SLC75A1: variants seen among roughly 807,000 people sequenced by gnomAD.
The protein encoded by SLC75A1 is solute carrier family 75 member 1.
the SLC75A1 span, chr4:2,931,315 A>T: frequency 2.6e-6 from 4 of 1,547,252 alleles, no homozygotes; most frequent in East Asian, 2.4e-5. Flanking sequence ...AGCCCAGGGG[A>T]GGGTGCATCA....
the SLC75A1 span, chr4:2,931,884 C>A: frequency 6.2e-7 from 1 of 1,611,354 alleles, no homozygotes; most frequent in South Asian, 1.1e-5. Context: ...GGCCCGAGAA[C>A]AGGAAGAGGT....
the SLC75A1 span, chr4:2,933,460 G>A: frequency 8.1e-7 from 1 of 1,235,912 alleles, no homozygotes. Flanking sequence ...TGCCAGCCCA[G>A]GGAGTGGGAA....
chr4:2,932,910 C>T, the SLC75A1 span: 2 of 1,103,706 alleles, frequency 1.8e-6, no homozygotes, highest in East Asian at 2.6e-5. Context: ...TTCCTAGGGG[C>T]CAGGAGCAGC....
At chr4:2,934,185 G>C in the SLC75A1 span, 6 of 539,438 alleles carry the variant, frequency 1.1e-5, no homozygotes, top group Non-Finnish European at 3.3e-6. Context: ...GAGAGACCAG[G>C]GTGAGCACAT....
At chr4:2,932,033 T>C in the SLC75A1 span, 1 of 1,610,218 alleles carries the variant, frequency 6.2e-7, no homozygotes. Context: ...CTTGGGTTGG[T>C]CGAGTCCTTA....
chr4:2,933,732 G>A, the SLC75A1 span: 1 of 1,603,442 alleles, frequency 6.2e-7, no homozygotes, highest in Non-Finnish European at 8.5e-7. Flanking sequence ...GGGCACTGTG[G>A]GCCGCAGGGC....
chr4:2,933,538 G>A, the SLC75A1 span: 13 of 1,609,998 alleles, frequency 8.1e-6, no homozygotes, highest in African/African-American at 1.5e-4. Flanking sequence ...ACCGTAGAGA[G>A]CCCGCCAAGG....
the SLC75A1 span, chr4:2,931,992 C>A: frequency 3.4e-5 from 55 of 1,603,612 alleles, no homozygotes; most frequent in East Asian, 7.4e-4. Flanking sequence ...GGGCGCCGCC[C>A]GGGGAAGCCC....
the SLC75A1 span, chr4:2,932,744 G>C: frequency 6.4e-7 from 1 of 1,573,894 alleles, no homozygotes; most frequent in South Asian, 1.2e-5. Context: ...CTGCATATGA[G>C]GTGGCCACAC....
At chr4:2,932,926 G>A in the SLC75A1 span, 1 of 1,077,956 alleles carries the variant, frequency 9.3e-7, no homozygotes, top group South Asian at 1.7e-5. Flanking sequence ...GCAGCTCCTT[G>A]AAAGCCTGGC....
chr4:2,932,470 G>C, the SLC75A1 span: 1 of 1,613,548 alleles, frequency 6.2e-7, no homozygotes, highest in Non-Finnish European at 8.5e-7. Flanking sequence ...CCGAGCATAG[G>C]GCCCAGGGTG....
the SLC75A1 span, chr4:2,933,738 AG>A: frequency 6.2e-7 from 1 of 1,604,106 alleles, no homozygotes; most frequent in African/African-American, 1.3e-5. Flanking sequence ...TGTGGGCCGC[AG>A]GGCAAGGACT....
the SLC75A1 span, among the ~76,000 whole-genome samples, chr4:2,933,378 G>C: frequency 6.6e-6 from 1 of 152,222 alleles, no homozygotes; most frequent in South Asian, 2.1e-4. Flanking sequence ...GATGAGGAAG[G>C]ATCTGAACGT....
At chr4:2,931,149 G>T in the SLC75A1 span, 1 of 1,563,236 alleles carries the variant, frequency 6.4e-7, no homozygotes, top group South Asian at 1.2e-5. Flanking sequence ...GCCCTGGTGA[G>T]CCTGTGGGAA....
the SLC75A1 span, chr4:2,930,942 C>A: frequency 6.2e-7 from 1 of 1,613,064 alleles, no homozygotes; most frequent in East Asian, 2.2e-5. Flanking sequence ...TGGGCCCCGG[C>A]CAGCCAGTAC....
the SLC75A1 span, chr4:2,934,312 A>ATCCCG: frequency 3.5e-5 from 8 of 228,252 alleles, no homozygotes; most frequent in Non-Finnish European, 5.0e-5. Flanking sequence ...TCCCGATCCC[A>ATCCCG]ACCCCAACCC....
chr4:2,931,607 C>G, the SLC75A1 span: 1 of 1,613,584 alleles, frequency 6.2e-7, no homozygotes, highest in Non-Finnish European at 8.5e-7. Flanking sequence ...GGCATAGGCA[C>G]CCTGGATGGT....
the SLC75A1 span, chr4:2,932,926 G>C: frequency 3.7e-6 from 4 of 1,077,838 alleles, no homozygotes; most frequent in South Asian, 6.7e-5. Context: ...GCAGCTCCTT[G>C]AAAGCCTGGC....
the SLC75A1 span, chr4:2,931,265 A>ACGG: frequency 6.4e-7 from 1 of 1,558,486 alleles, no homozygotes; most frequent in Non-Finnish European, 8.7e-7. Context: ...GGGCACCACA[A>ACGG]CGGCGGCGGC....
Sources: allele counts gnomAD v4.1 joint callset (sites outside exome capture counted in the v4.1 genomes callset), GRCh38; gene constraint gnomAD v4.1.1; transcripts MANE v1.5; gene names NCBI Gene and HGNC (gene_info 2026-07-23, HGNC 2026-07-21).